The following KCTD21 variants were observed in gnomAD, a reference collection of about 807,000 sequenced individuals.
KCTD21 encodes potassium channel tetramerization domain containing 21.
In KCTD21, 9 loss-of-function variants were observed where a neutral mutation model predicts 13.2. The observed-to-expected ratio is 0.68, with a 90% CI of 0.41 to 1.19. The LOEUF (loss-of-function observed/expected upper bound fraction) is 1.19, where lower values mean the gene tolerates loss of function less well. Ranked by LOEUF, KCTD21 falls within the 50% of genes most tolerant of loss-of-function variation. The pLI, the probability that KCTD21 is intolerant of heterozygous loss-of-function variation, is 0.01. For missense variants in KCTD21, 303 were observed against 336.5 expected (o/e 0.90, Z 0.78); for synonymous variants, 142 against 137.4 (o/e 1.03, Z -0.23).
intron 1 of KCTD21, chr11:78,176,428 C>T (rs1372176685): frequency 6.6e-6 from 1 of 152,294 alleles, no homozygotes; most frequent in Non-Finnish European, 1.5e-5. Flanking sequence ...CAGCTGTCAG[C>T]ATCTATGGCT....
intron 1 of KCTD21, chr11:78,187,173 G>A: frequency 1.0e-6 from 1 of 985,422 alleles, no homozygotes; most frequent in Non-Finnish European, 1.2e-6. Flanking sequence ...AGTGAGTACT[G>A]TGTTTTCCAG....
intron 1 of KCTD21, among the ~76,000 whole-genome samples, chr11:78,180,898 A>ATAGT (rs1261411032): frequency 1.1e-5 from 1 of 87,904 alleles, no homozygotes; most frequent in East Asian, 3.6e-4. Context: ...TGTTCTTGTG[A>ATAGT]TAGTGAGTTC....
At position 78,186,928 on chromosome 11, in the gene KCTD21, C is replaced by T. The variant is rs139136049; in HGVS notation, c.-30+1645G>A. On this transcript the variant is annotated intron_variant, in intron 1 of 1. Coordinates refer to ENST00000340067, the MANE Select transcript of KCTD21 (RefSeq NM_001029859.3). The stretch of plus-strand genomic sequence containing the variant: ...GCCCCTTTCTATATCCACAGAAGCA[C>T]GTAGAATAGGGGAAGAGGAAGAAAT... 2.7e-4 allele frequency: 263 copies of T among 985,448 alleles called. 1 individual carries two copies. The African/African-American group carries it at 4.1e-3, about 15-fold the overall frequency. 61.0% of individuals were successfully genotyped at this position (985,448 alleles called of 1,614,324 possible). A position where few individuals can be genotyped will look rare whatever the true frequency, so the allele number is the denominator to read the frequency against.
chr11:78,188,550 G>A (rs1276939745), intron 1 of KCTD21, 23 bp downstream of exon 1: 40 of 985,316 alleles, frequency 4.1e-5, no homozygotes, highest in Non-Finnish European at 4.6e-5. Flanking sequence ...CGAGCCCCGC[G>A]ACCCCGGCCG....
Position 78,173,904 on chromosome 11 carries a change from G to A in KCTD21, c.651C>T (p.Ile217=). ...CTTCCACGAAGACCTGGAAGCTGTT[G>A]ATCTGCTTGTTGGCGGGCACCACCC... The part of the protein sequence containing the change: ...RLWVVPANKQ[I]NSFQVFVEEV... The change falls in exon 2 of 2, where the codon ATC becomes ATT. Residue 217 remains isoleucine, a synonymous_variant. Transcript: ENST00000340067. 6.2e-7 allele frequency: 1 copy of A among 1,614,216 alleles called. No individual in the cohort carries two copies. The highest frequency in any genetic ancestry group is 8.5e-7 in the Non-Finnish European group (1 of 1,180,042).
At position 78,173,905 on chromosome 11, in the gene KCTD21, A is replaced by T; in HGVS notation, c.650T>A (p.Ile217Asn). ...RLWVVPANKQINSFQVFVEEV... is the reference protein window; with the variant it reads ...RLWVVPANKQNNSFQVFVEEV... Reference sequence around the variant, plus strand: ...TTCCACGAAGACCTGGAAGCTGTTGATCTGCTTGTTGGCGGGCACCACCCA... The same window carrying T: ...TTCCACGAAGACCTGGAAGCTGTTGTTCTGCTTGTTGGCGGGCACCACCCA... Residue 217 changes from isoleucine to asparagine, a missense_variant, in exon 2 of 2, where the codon ATC (isoleucine) becomes AAC (asparagine). Ile to Asn is a moderately radical substitution (Grantham distance 149). Transcript: ENST00000340067. 2 of 1,614,118 alleles carry T rather than the reference A, an allele frequency of 1.2e-6. No individual in the cohort carries two copies. Among genetic ancestry groups the T allele is most frequent in the Non-Finnish European group, 8.5e-7 (1 of 1,180,034 alleles).
rs980810426 is a variant in KCTD21 at position 78,172,232 on chromosome 11, C to A, written c.*1540G>T. The A allele has an allele frequency of 8.5e-5, 13 of 152,394 alleles. No individual in the cohort carries two copies. Among genetic ancestry groups the A allele is most frequent in the African/African-American group, 2.9e-4 (12 of 41,464 alleles). The allele number at this position is 152,394 out of a possible 1,614,324, so 9.4% of individuals were successfully genotyped here. A position where few individuals can be genotyped will look rare whatever the true frequency, so the allele number is the denominator to read the frequency against. The stretch of plus-strand genomic sequence containing the variant: ...TGCTTGGGTTGCTTGCCCTGGATGG[C>A]ACCCTACAGAGACCCAGGGGTGGGA... On this transcript the variant is annotated 3_prime_UTR_variant, in exon 2 of 2. Coordinates refer to ENST00000340067, the MANE Select transcript of KCTD21 (RefSeq NM_001029859.3).
Position 78,172,054 on chromosome 11 carries a change from C to A in KCTD21, c.*1718G>T, listed in dbSNP as rs1477853971. 1 of 152,366 alleles carries A rather than the reference C, an allele frequency of 6.6e-6. No homozygotes were observed. Among genetic ancestry groups the A allele is most frequent in the Non-Finnish European group, 1.5e-5 (1 of 68,138 alleles). The allele number at this position is 152,366 out of a possible 1,614,324, so 9.4% of individuals were successfully genotyped here. A position where few individuals can be genotyped will look rare whatever the true frequency, so the allele number is the denominator to read the frequency against. ...GAAGCCCCTTTCTGGGCCCACCTCC[C>A]ATGGGTGCCTGTGTCACCAGGCTTC... On this transcript the variant is annotated 3_prime_UTR_variant, in exon 2 of 2. Coordinates refer to ENST00000340067, the MANE Select transcript of KCTD21 (RefSeq NM_001029859.3).
chr11:78,173,438 G>A lies in KCTD21; in HGVS notation c.*334C>T, dbSNP rs532372828. On this transcript the variant is annotated 3_prime_UTR_variant, in exon 2 of 2. Coordinates refer to ENST00000340067, the MANE Select transcript of KCTD21 (RefSeq NM_001029859.3). The stretch of plus-strand genomic sequence containing the variant: ...ATGGATAAATGCGGCACTGGCTAGC[G>A]GTACAGAGAGATGGAGCCCAGGAGA... 4.7e-5 allele frequency: 11 copies of A among 232,576 alleles called. No homozygotes were observed. The highest frequency in any genetic ancestry group is 2.0e-4 in the Admixed American group (4 of 19,642). 14.4% of individuals were successfully genotyped at this position (232,576 alleles called of 1,614,324 possible).
At chr11:78,181,620 T>G (rs993131976) in intron 1 of KCTD21, among the ~76,000 whole-genome samples, 3 of 152,186 alleles carry the variant, frequency 2.0e-5, no homozygotes, top group African/African-American at 7.2e-5. Flanking sequence ...TTATAAAGAC[T>G]GTCAAAATTC....
intron 1 of KCTD21, among the ~76,000 whole-genome samples, chr11:78,183,720 C>T (rs537000798): frequency 2.0e-5 from 3 of 151,130 alleles, no homozygotes; most frequent in Non-Finnish European, 3.0e-5. Context: ...CTGCAACCTC[C>T]GCCTCCCAGG....
intron 1 of KCTD21, chr11:78,188,314 T>C: frequency 2.0e-6 from 2 of 983,950 alleles, no homozygotes; most frequent in Non-Finnish European, 1.2e-6. Flanking sequence ...CGACCCTCAT[T>C]ATCCGGGCTT....
In KCTD21 at chr11:78,188,569, C is replaced by G. The variant is rs911961816; in HGVS notation, c.-30+4G>C. 1.9e-5 allele frequency: 19 copies of G among 985,482 alleles called. No individual in the cohort carries two copies. In the African/African-American group the frequency reaches 2.8e-4, roughly 15 times the overall value. 61.0% of individuals were successfully genotyped at this position (985,482 alleles called of 1,614,324 possible). On this transcript the variant is annotated splice_donor_region_variant and intron_variant, in intron 1 of 1. Transcript: ENST00000340067. ...CCCCGCGACCCCGGCCGTGCCGCAC[C>G]CACCTCCTGCCCTCGCTCTGCAGCC... is the stretch of plus-strand genomic sequence containing the variant.
chr11:78,175,719 TG>T, intron 1 of KCTD21, among the ~76,000 whole-genome samples: 1 of 152,266 alleles, frequency 6.6e-6, no homozygotes, highest in Middle Eastern at 3.4e-3. Context: ...ATGACAATCC[TG>T]TTTTTTTTAA....
At chr11:78,188,320 G>C (rs1862873280) in intron 1 of KCTD21, 2 of 984,228 alleles carry the variant, frequency 2.0e-6, no homozygotes, top group Admixed American at 1.2e-4. Flanking sequence ...TCATTATCCG[G>C]GCTTTTCCGA....
intron 1 of KCTD21, among the ~76,000 whole-genome samples, chr11:78,180,924 G>A (rs546206577): frequency 6.6e-6 from 1 of 152,300 alleles, no homozygotes; most frequent in South Asian, 2.1e-4. Flanking sequence ...AGATCTGATG[G>A]TTTTATAAGG....
chr11:78,188,217 C>A lies in KCTD21; in HGVS notation c.-30+356G>T, dbSNP rs534551826. 3 of 985,000 alleles carry A rather than the reference C, an allele frequency of 3.0e-6. No individual in the cohort carries two copies. In the East Asian group the frequency reaches 3.4e-4, roughly 112 times the overall value. 61.0% of individuals were successfully genotyped at this position (985,000 alleles called of 1,614,324 possible). A position where few individuals can be genotyped will look rare whatever the true frequency, so the allele number is the denominator to read the frequency against. The stretch of plus-strand genomic sequence containing the variant: ...CGCACCCACTCCCCAGCCCTACAGC[C>A]CCCACTCCGACCTGACAAGTGCCCC... On this transcript the variant is annotated intron_variant, in intron 1 of 1. Coordinates refer to ENST00000340067, the MANE Select transcript of KCTD21 (RefSeq NM_001029859.3).
At chr11:78,186,402 A>AAAAAAAAAAAAAAAAAAAAAC (rs71046958) in intron 1 of KCTD21, among the ~76,000 whole-genome samples, 3 of 132,012 alleles carry the variant, frequency 2.3e-5, no homozygotes, top group Non-Finnish European at 3.4e-5. Context: ...AAAAAAAAAA[A>AAAAAAAAAAAAAAAAAAAAAC]AAAAAGAAAA....
In KCTD21 at chr11:78,173,584, A is replaced by G; in HGVS notation, c.*188T>C. 1.7e-6 allele frequency: 1 copy of G among 598,510 alleles called. No individual in the cohort carries two copies. Among genetic ancestry groups the G allele is most frequent in the Non-Finnish European group, 2.9e-6 (1 of 340,324 alleles). 37.1% of individuals were successfully genotyped at this position (598,510 alleles called of 1,614,324 possible). A position where few individuals can be genotyped will look rare whatever the true frequency, so the allele number is the denominator to read the frequency against. On this transcript the variant is annotated 3_prime_UTR_variant, in exon 2 of 2. Transcript: ENST00000340067. Reference sequence around the variant, plus strand: ...CTGCAGCTCAAAATGGCAAGAAAAAAGGTGGTTCTGTTCAGAGGACACTGG... The same window carrying G: ...CTGCAGCTCAAAATGGCAAGAAAAAGGGTGGTTCTGTTCAGAGGACACTGG...
Sources: allele counts gnomAD v4.1 joint callset (sites outside exome capture counted in the v4.1 genomes callset), GRCh38; gene constraint gnomAD v4.1.1; transcripts MANE v1.5; gene names NCBI Gene and HGNC (gene_info 2026-07-23, HGNC 2026-07-21).